The following CEP250 variants were observed in gnomAD, a reference collection of about 807,000 sequenced individuals.
The protein encoded by CEP250 is centrosomal protein 250, also known as centrosome-associated protein CEP250.
A neutral mutation model predicts 315.7 loss-of-function variants in CEP250; 242 were observed. The observed-to-expected ratio is 0.77, with a 90% CI of 0.69 to 0.85. The LOEUF (loss-of-function observed/expected upper bound fraction) is 0.85. Among genes scored for constraint, CEP250 ranks in the 40% least tolerant of loss-of-function variants. The pLI, the probability that CEP250 is intolerant of heterozygous loss-of-function variation, is 0.00. For synonymous variants in CEP250, 1,088 were observed against 1,175.0 expected (o/e 0.93, Z 1.51); for missense variants, 2,515 against 2,886.4 (o/e 0.87, Z 2.95).
Position 35,516,999 on chromosome 20 carries a change from G to A in CEP250, c.*5373G>A, listed in dbSNP as rs2064442137. 1 of 985,598 alleles carries A rather than the reference G, an allele frequency of 1.0e-6. No individual in the cohort carries two copies. Among genetic ancestry groups the A allele is most frequent in the Non-Finnish European group, 1.2e-6 (1 of 830,016 alleles). 61.1% of individuals were successfully genotyped at this position (985,598 alleles called of 1,614,324 possible). ...TCCCACAGGGCAGAGCACATGGCAA[G>A]TGGCATGCTGACTCAGACACCGGGC... On this transcript the variant is annotated 3_prime_UTR_variant, in exon 35 of 35. Transcript: ENST00000397527.
chr20:35,490,504 A>G (rs371271461), intron 20 of CEP250, 133 bp from the exon 21 acceptor site: 2 of 603,290 alleles, frequency 3.3e-6, no homozygotes, highest in South Asian at 3.3e-5. Flanking sequence ...TTTACAGATG[A>G]GGCAACAGGC....
rs765153160 is a variant in CEP250, at chr20:35,496,602, G to C, written c.3193G>C (p.Glu1065Gln). The change falls in exon 25 of 35, where the codon GAA becomes CAA. Residue 1065 changes from glutamate to glutamine, a missense_variant. Transcript: ENST00000397527. ...ASLTLSLMEK[E>Q]QRLLVLQEAD... Reference sequence around the variant, plus strand: ...CCTGACTCTCTCACTGATGGAAAAGGAACAGAGACTCCTTGTTTTACAAGA... The same window carrying C: ...CCTGACTCTCTCACTGATGGAAAAGCAACAGAGACTCCTTGTTTTACAAGA... 2 of 1,614,020 alleles carry C rather than the reference G, an allele frequency of 1.2e-6. No homozygotes were observed. The highest frequency in any genetic ancestry group is 1.7e-6 in the Non-Finnish European group (2 of 1,179,994).
In CEP250 at chr20:35,478,004, C is replaced by T; in HGVS notation, c.1997C>T (p.Ala666Val). Residue 666 changes from alanine (A) to valine (V), a missense_variant, in exon 17 of 35, where the codon GCT becomes GTT. Transcript: ENST00000397527. ...ALWEKNTHLE[A>V]QLQKAEEAGA... Reference sequence around the variant, plus strand: ...TGGGAAAAGAACACTCACCTGGAGGCTCAGCTGCAGAAAGCTGAGGAGGCT... The same window carrying T: ...TGGGAAAAGAACACTCACCTGGAGGTTCAGCTGCAGAAAGCTGAGGAGGCT... 1 of 1,614,056 alleles carries T rather than the reference C, an allele frequency of 6.2e-7. No homozygotes were observed. Among genetic ancestry groups the T allele is most frequent in the East Asian group, 2.2e-5 (1 of 44,872 alleles).
In CEP250 at chr20:35,473,359, G is replaced by T; in HGVS notation, c.1210-15G>T. 6.3e-7 allele frequency: 1 copy of T among 1,599,960 alleles called. No homozygotes were observed. The highest frequency in any genetic ancestry group is 8.5e-7 in the Non-Finnish European group (1 of 1,172,186). ...CCTTGTTCATCATCTGGTTTCTCTT[G>T]CTCTCTCTCCACAGGACCTAAGGCA... On this transcript the variant is annotated splice_polypyrimidine_tract_variant and intron_variant, in intron 12 of 34. Transcript: ENST00000397527.
At position 35,465,839 on chromosome 20, in the gene CEP250, A is replaced by T. The variant is rs753370220; in HGVS notation, c.326+14A>T. The stretch of plus-strand genomic sequence containing the variant: ...GGAGCAACAGAGGTGATGGACCCCA[A>T]ACTTTCTGACCTGGGTGATTGGCCA... On this transcript the variant is annotated intron_variant, in intron 6 of 34. Transcript: ENST00000397527. 11 of 1,599,520 alleles carry T rather than the reference A, an allele frequency of 6.9e-6. No individual in the cohort carries two copies. The highest frequency in any genetic ancestry group is 9.4e-6 in the Non-Finnish European group (11 of 1,173,632).
rs777791407 is a variant in CEP250 at position 35,493,563 on chromosome 20, G to T, written c.3024G>T (p.Leu1008=). 6.5e-7 allele frequency: 1 copy of T among 1,549,642 alleles called. No individual in the cohort carries two copies. The highest frequency in any genetic ancestry group is 1.2e-5 in the South Asian group (1 of 81,930). The change falls in exon 23 of 35, where the codon CTG becomes CTT. Residue 1008 remains leucine (L), a synonymous_variant. Coordinates refer to ENST00000397527, the MANE Select transcript of CEP250 (RefSeq NM_007186.6). ...CCCTGCTGCAGGATAAGATGGACCT[G>T]CAGAAGCAGGTCCCCTCCTCCTCCC... ...SSSLLQDKMD[L]QKQVEDLKSQ...
intron 20 of CEP250, among the ~76,000 whole-genome samples, chr20:35,482,461 G>A (rs952121185): frequency 6.6e-6 from 1 of 151,800 alleles, no homozygotes; most frequent in Non-Finnish European, 1.5e-5. Context: ...GGATGGTCTC[G>A]ATCTCCTGAC....
intron 20 of CEP250, among the ~76,000 whole-genome samples, chr20:35,485,607 C>T (rs923139520): frequency 2.7e-5 from 4 of 146,424 alleles, no homozygotes; most frequent in African/African-American, 1.0e-4. Flanking sequence ...CTTCCTGCCT[C>T]AGCCTCCTAA....
chr20:35,458,247 G>A (rs1174438992), intron 1 of CEP250, 57 bp from the exon 2 acceptor site: 3 of 152,072 alleles, frequency 2.0e-5, no homozygotes, highest in African/African-American at 7.2e-5. Context: ...TAGTATTTTG[G>A]ATGAGAGAGG....
At chr20:35,507,421 C>G (rs1270791387) in intron 30 of CEP250, among the ~76,000 whole-genome samples, 1 of 152,194 alleles carries the variant, frequency 6.6e-6, no homozygotes, top group East Asian at 1.9e-4. Context: ...CCCTGTGTGA[C>G]TCGAGAGTCC....
Position 35,502,908 on chromosome 20 carries a change from C to G in CEP250, c.4539C>G (p.Leu1513=). The G allele has an allele frequency of 6.2e-7, 1 of 1,614,110 alleles. No individual in the cohort carries two copies. The change falls in exon 30 of 35, where the codon CTC becomes CTG. Residue 1513 remains leucine (L), a synonymous_variant. Coordinates refer to ENST00000397527, the MANE Select transcript of CEP250 (RefSeq NM_007186.6). ...LTVQREQIRE[L]EKDRETQRNV... The stretch of plus-strand genomic sequence containing the variant: ...TGCAGAGGGAGCAGATCAGAGAGCT[C>G]GAGAAGGATCGGGAGACTCAGAGGA...
Position 35,505,419 on chromosome 20 carries a change from G to A in CEP250, c.6636+414G>A, listed in dbSNP as rs59777799. On this transcript the variant is annotated intron_variant, in intron 30 of 34. Transcript: ENST00000397527. Reference sequence around the variant, plus strand: ...GGTAATCCCAGCACTTTGGGAAGCCGAGGCGGGCAGATCACTTGAGGTCAG... The same window carrying A: ...GGTAATCCCAGCACTTTGGGAAGCCAAGGCGGGCAGATCACTTGAGGTCAG... 7.6e-3 allele frequency among the ~76,000 whole-genome samples: 1,161 copies of A among 152,234 alleles called. 23 individuals are homozygous for A. Among genetic ancestry groups the A allele is most frequent in the African/African-American group, 0.027 (1,126 of 41,522 alleles).
At chr20:35,469,072 T>C (rs1175428583) in intron 9 of CEP250, among the ~76,000 whole-genome samples, 2 of 152,136 alleles carry the variant, frequency 1.3e-5, no homozygotes, top group African/African-American at 2.4e-5. Flanking sequence ...TTAAGACTTT[T>C]GCTGAGTGAG....
At position 35,497,959 on chromosome 20, in the gene CEP250, G is replaced by A. The variant is rs1410810070; in HGVS notation, c.3547G>A (p.Ala1183Thr). 1 of 1,612,268 alleles carries A rather than the reference G, an allele frequency of 6.2e-7. No homozygotes were observed. The highest frequency in any genetic ancestry group is 1.1e-5 in the South Asian group (1 of 90,864). ...CCAGGCCCAGGCCCAGGCCCAGCTG[G>A]CCAGCCTCTACTCTGCCCTGCAGCA... ...GNQAQAQAQL[A>T]SLYSALQQAL... Residue 1183 changes from alanine (A) to threonine (T), a missense_variant, in exon 26 of 35, where the codon GCC (alanine) becomes ACC (threonine). Ala to Thr is a moderately conservative substitution (Grantham distance 58). Transcript: ENST00000397527.
chr20:35,515,542 G>A lies in CEP250; in HGVS notation c.*3916G>A, dbSNP rs755099656. On this transcript the variant is annotated 3_prime_UTR_variant, in exon 35 of 35. Transcript: ENST00000397527. ...GGGAAACCCCAGCCACAAAAGCAGTGAGCTGACTTCCAGGCCTGAGGCTTT... is the reference window on the plus strand; with the variant it reads ...GGGAAACCCCAGCCACAAAAGCAGTAAGCTGACTTCCAGGCCTGAGGCTTT... 6.6e-6 allele frequency: 1 copy of A among 152,290 alleles called. No individual in the cohort carries two copies. The highest frequency in any genetic ancestry group is 1.5e-5 in the Non-Finnish European group (1 of 68,080). The allele number at this position is 152,290 out of a possible 1,614,324, so 9.4% of individuals were successfully genotyped here. A position where few individuals can be genotyped will look rare whatever the true frequency, so the allele number is the denominator to read the frequency against.
rs1398240869 is a variant in CEP250 at position 35,516,078 on chromosome 20, C to G, written c.*4452C>G. On this transcript the variant is annotated 3_prime_UTR_variant, in exon 35 of 35. Coordinates refer to ENST00000397527, the MANE Select transcript of CEP250 (RefSeq NM_007186.6). ...TATATATGCCCTTATAGGGCCTGAA[C>G]CTTGGCTCAGGTGGATGGGCTTGGA... is the stretch of plus-strand genomic sequence containing the variant. 6.6e-6 allele frequency: 1 copy of G among 152,268 alleles called. No homozygotes were observed. Among genetic ancestry groups the G allele is most frequent in the African/African-American group, 2.4e-5 (1 of 41,424 alleles). The allele number at this position is 152,268 out of a possible 1,614,324, so 9.4% of individuals were successfully genotyped here.
intron 20 of CEP250, among the ~76,000 whole-genome samples, chr20:35,480,642 G>A (rs2146898501): frequency 6.7e-6 from 1 of 148,484 alleles, no homozygotes; most frequent in South Asian, 2.1e-4. Context: ...CCTCAGGCTG[G>A]AGTACAGTGG....
chr20:35,466,190 C>T lies in CEP250; in HGVS notation c.478C>T (p.Gln160Ter). The change falls in exon 7 of 35, where the codon CAG (glutamine) becomes TAG (stop). Residue 160 changes from glutamine to a stop codon, truncating the protein, a stop_gained. Coordinates refer to ENST00000397527, the MANE Select transcript of CEP250 (RefSeq NM_007186.6). LOFTEE classifies it high-confidence loss of function. ...GCTAATGAGGAAGGAGAGCCAGTGG[C>T]AGATGGAGCAGGAGGTAGGAAGAAC... is the stretch of plus-strand genomic sequence containing the variant. ...DELMRKESQW[Q>*]MEQEFFKGYL... 2 of 1,594,904 alleles carry T rather than the reference C, an allele frequency of 1.3e-6. No individual in the cohort carries two copies. Among genetic ancestry groups the T allele is most frequent in the Non-Finnish European group, 1.7e-6 (2 of 1,169,130 alleles).
intron 20 of CEP250, among the ~76,000 whole-genome samples, chr20:35,483,334 A>ATT (rs2063409439): frequency 6.9e-6 from 1 of 145,318 alleles, no homozygotes; most frequent in African/African-American, 2.7e-5. Context: ...AAAAAAAAAA[A>ATT]ATTTTTTTTT....
Sources: allele counts gnomAD v4.1 joint callset (sites outside exome capture counted in the v4.1 genomes callset), GRCh38; gene constraint gnomAD v4.1.1; transcripts MANE v1.5; gene names NCBI Gene and HGNC (gene_info 2026-07-23, HGNC 2026-07-21).